SLC52A3: variants seen among roughly 807,000 people sequenced by gnomAD.
The protein encoded by SLC52A3 is solute carrier family 52, riboflavin transporter, member 3.
Under a neutral mutation model 29.5 loss-of-function variants are expected in SLC52A3, and 20 were observed. That is an observed-to-expected ratio of 0.68 (90% CI 0.48 to 0.99). The LOEUF is 0.99. Ranked by LOEUF, SLC52A3 falls within the 50% of genes least tolerant of loss-of-function variation. SLC52A3 has a pLI of 0.00. For synonymous variants in SLC52A3, 301 were observed against 271.0 expected (o/e 1.11, Z -1.09); for missense variants, 548 against 612.9 (o/e 0.89, Z 1.12).
upstream of SLC52A3, among the ~76,000 whole-genome samples, chr20:778,330 T>G (rs1324238597): frequency 6.6e-6 from 1 of 152,034 alleles, no homozygotes; most frequent in Non-Finnish European, 1.5e-5. Context: ...CAGACTTTTA[T>G]CTGCACAGGA....
intron 1 of SLC52A3, among the ~76,000 whole-genome samples, chr20:767,368 T>G (rs1986718208): frequency 6.6e-6 from 1 of 151,816 alleles, no homozygotes; most frequent in South Asian, 2.1e-4. Flanking sequence ...TCTTTTTTTT[T>G]TTTCTTGTGA....
upstream of SLC52A3, among the ~76,000 whole-genome samples, chr20:769,127 C>T (rs1021140275): frequency 6.6e-6 from 1 of 152,232 alleles, no homozygotes; most frequent in African/African-American, 2.4e-5. Context: ...AATGACTTAG[C>T]TTAGGATTTG....
At position 761,189 on chromosome 20, in the gene SLC52A3, A is replaced by G; in HGVS notation, c.1247T>C (p.Met416Thr). 6.4e-7 allele frequency: 1 copy of G among 1,568,360 alleles called. No homozygotes were observed. Among genetic ancestry groups the G allele is most frequent in the South Asian group, 1.2e-5 (1 of 85,446 alleles). The change falls in exon 5 of 5, where the codon ATG becomes ACG. Residue 416 changes from methionine (M) to threonine (T), a missense_variant. This residue lies in a region of SLC52A3 where 173 missense variants were observed against 141.8 expected (regional missense o/e 1.22). Coordinates refer to ENST00000645534, the MANE Select transcript of SLC52A3 (RefSeq NM_033409.4). ...GAGGTCGCGCAGGACCACGCCCAGCATCACCTTGACGTAACTGAGGCAGCC... is the reference window on the plus strand; with the variant it reads ...GAGGTCGCGCAGGACCACGCCCAGCGTCACCTTGACGTAACTGAGGCAGCC... Reference protein sequence around the residue: ...FSGCLSYVKVMLGVVLRDLSR... With the variant: ...FSGCLSYVKVTLGVVLRDLSR...
chr20:762,884 TC>T (rs1878989048), intron 3 of SLC52A3, among the ~76,000 whole-genome samples: 1 of 152,114 alleles, frequency 6.6e-6, no homozygotes, highest in Non-Finnish European at 1.5e-5. Flanking sequence ...AGGTGGTAGT[TC>T]TCCTACAGGG....
At chr20:764,152 G>C (rs898567077) in intron 2 of SLC52A3, 149 bp from the exon 3 acceptor site, 3 of 946,736 alleles carry the variant, frequency 3.2e-6, no homozygotes, top group African/African-American at 3.3e-5. Context: ...AATAATGACT[G>C]CTCATACTGA....
chr20:778,160 C>A (rs1039057808), upstream of SLC52A3, among the ~76,000 whole-genome samples: 2 of 151,948 alleles, frequency 1.3e-5, no homozygotes, highest in Admixed American at 6.6e-5. Context: ...GGATTATAGG[C>A]GCACGCCACC....
At chr20:762,830 G>A (rs1047992897) in intron 3 of SLC52A3, among the ~76,000 whole-genome samples, 6 of 152,294 alleles carry the variant, frequency 3.9e-5, no homozygotes, top group South Asian at 2.1e-4. Flanking sequence ...GCAGGCCAGC[G>A]TGGATACGAG....
upstream of SLC52A3, among the ~76,000 whole-genome samples, chr20:769,295 C>T (rs1986778731): frequency 1.3e-5 from 2 of 152,198 alleles, no homozygotes; most frequent in Admixed American, 6.5e-5. Context: ...GAAGTGGCCC[C>T]CCACTTTGGC....
upstream of SLC52A3, among the ~76,000 whole-genome samples, chr20:777,272 C>CA (rs11438035): frequency 0.74 from 108,727 of 147,822 alleles, 40,577 homozygotes; most frequent in Middle Eastern, 0.84. Context: ...AAACAAAAAA[C>CA]AAAAAAAAAA....
At chr20:762,496 G>A (rs868269865) in intron 3 of SLC52A3, among the ~76,000 whole-genome samples, 2 of 152,164 alleles carry the variant, frequency 1.3e-5, no homozygotes, top group Admixed American at 6.5e-5. Context: ...CTTGTCCCTG[G>A]GGTCCCAATC....
chr20:779,774 G>A (rs1050374049), upstream of SLC52A3, among the ~76,000 whole-genome samples: 3 of 152,196 alleles, frequency 2.0e-5, no homozygotes, highest in Non-Finnish European at 4.4e-5. Context: ...CTGCACTTCT[G>A]TCTAGGTCCT....
Position 761,693 on chromosome 20 carries a change from A to G in SLC52A3, c.1197+8T>C. 3.7e-6 allele frequency: 6 copies of G among 1,613,642 alleles called. No homozygotes were observed. The highest frequency in any genetic ancestry group is 2.2e-5 in the East Asian group (1 of 44,862). On this transcript the variant is annotated splice_region_variant and intron_variant, in intron 4 of 4. Coordinates refer to ENST00000645534, the MANE Select transcript of SLC52A3 (RefSeq NM_033409.4). ...CAGCGGGAGCAGCCCCACCGGCCGG[A>G]TACTCACAATGAGGACTTCCCCACC...
upstream of SLC52A3, among the ~76,000 whole-genome samples, chr20:773,194 G>A (rs1017506811): frequency 2.0e-5 from 3 of 152,150 alleles, no homozygotes; most frequent in East Asian, 1.9e-4. Context: ...GTAAACCTTC[G>A]GAGGGTTAGG....
At chr20:777,265 C>CAAAA (rs1203227866), upstream of SLC52A3, among the ~76,000 whole-genome samples, 1 of 24,846 alleles carries the variant, frequency 4.0e-5, no homozygotes, top group Non-Finnish European at 2.8e-4. Flanking sequence ...AACAAACAAA[C>CAAAA]AAAAAACAAA....
intron 3 of SLC52A3, among the ~76,000 whole-genome samples, chr20:762,570 A>G (rs1986526719): frequency 6.6e-6 from 1 of 152,204 alleles, no homozygotes; most frequent in Admixed American, 6.5e-5. Flanking sequence ...CTATACCCTT[A>G]AAGACTCTTT....
chr20:771,301 C>T (rs890870538), upstream of SLC52A3, among the ~76,000 whole-genome samples: 3 of 152,098 alleles, frequency 2.0e-5, no homozygotes, highest in African/African-American at 7.2e-5. Flanking sequence ...GTGGTGGGCA[C>T]CTGTAATTCT....
At chr20:768,112 T>G (rs756958726) in intron 1 of SLC52A3, among the ~76,000 whole-genome samples, 185 bp downstream of exon 1, 2 of 152,294 alleles carry the variant, frequency 1.3e-5, no homozygotes, top group African/African-American at 2.4e-5. Context: ...AGGATGCTGG[T>G]GAGTTTATGC....
At chr20:762,235 A>G (rs781373092) in intron 3 of SLC52A3, among the ~76,000 whole-genome samples, 1 of 152,192 alleles carries the variant, frequency 6.6e-6, no homozygotes, top group Non-Finnish European at 1.5e-5. Context: ...TCCTCCTGCA[A>G]CACACCCTCA....
At chr20:779,857 T>C (rs1442562837), upstream of SLC52A3, among the ~76,000 whole-genome samples, 1 of 152,232 alleles carries the variant, frequency 6.6e-6, no homozygotes, top group Non-Finnish European at 1.5e-5. Flanking sequence ...AAGTTAACAG[T>C]GTAACATGTA....
Sources: gnomAD v4.1 joint callset for allele counts (sites outside exome capture counted in the v4.1 genomes callset) on GRCh38, gnomAD v4.1.1 for gene constraint, gnomAD v4.1.1 regional missense constraint, MANE v1.5 for transcripts, NCBI Gene and HGNC (gene_info 2026-07-23, HGNC 2026-07-21) for gene names.